Variants in TACR3 observed in about 807,000 individuals in gnomAD.
TACR3 encodes tachykinin receptor 3.
Under a neutral mutation model 35.0 loss-of-function variants are expected in TACR3, and 34 were observed. The ratio of observed to expected loss-of-function variants is 0.97; its 90% CI spans 0.74 to 1.30. TACR3 has a LOEUF of 1.30. Ranked by LOEUF, TACR3 falls within the 50% of genes most tolerant of loss-of-function variation. The pLI, the probability that TACR3 is intolerant of heterozygous loss-of-function variation, is 0.00. For missense variants in TACR3, 558 were observed against 591.7 expected (o/e 0.94, Z 0.59); for synonymous variants, 233 against 221.1 (o/e 1.05, Z -0.48).
intron 1 of TACR3, among the ~76,000 whole-genome samples, chr4:103,705,466 A>G (rs1392057136): frequency 1.3e-5 from 2 of 152,174 alleles, no homozygotes; most frequent in Admixed American, 1.3e-4. Flanking sequence ...AAAGGGGACT[A>G]AGAACATTCA....
At chr4:103,670,935 T>G (rs898983884) in intron 1 of TACR3, among the ~76,000 whole-genome samples, 2 of 152,224 alleles carry the variant, frequency 1.3e-5, no homozygotes, top group Admixed American at 1.3e-4. Flanking sequence ...TTCAGTATGA[T>G]ACTGTAGGTT....
chr4:103,607,297 T>C (rs1451213864), intron 3 of TACR3, among the ~76,000 whole-genome samples: 1 of 152,130 alleles, frequency 6.6e-6, no homozygotes, highest in South Asian at 2.1e-4. Context: ...AGCATAGTTT[T>C]TGAGTTTTGA....
chr4:103,707,885 C>A (rs1014334170), intron 1 of TACR3, among the ~76,000 whole-genome samples: 1 of 152,194 alleles, frequency 6.6e-6, no homozygotes, highest in Non-Finnish European at 1.5e-5. Context: ...GTCCCACACC[C>A]AAGGAGCCTT....
chr4:103,683,607 T>C (rs1197518368), intron 1 of TACR3, among the ~76,000 whole-genome samples: 3 of 149,566 alleles, frequency 2.0e-5, no homozygotes, highest in African/African-American at 4.9e-5. Context: ...ATAGATAAAA[T>C]AGACCAGTTT....
At chr4:103,660,627 A>AT (rs774081131) in intron 1 of TACR3, among the ~76,000 whole-genome samples, 2 of 152,018 alleles carry the variant, frequency 1.3e-5, no homozygotes, top group Non-Finnish European at 2.9e-5. Flanking sequence ...TGGCGATATC[A>AT]TGTTTTTCCA....
intron 3 of TACR3, among the ~76,000 whole-genome samples, chr4:103,618,574 T>C (rs1724708818): frequency 7.8e-6 from 1 of 127,422 alleles, no homozygotes; most frequent in Admixed American, 7.6e-5. Flanking sequence ...CTTTTTTTTT[T>C]TTTTTTTTTT....
At chr4:103,602,358 AT>A (rs1724227078) in intron 3 of TACR3, among the ~76,000 whole-genome samples, 1 of 151,648 alleles carries the variant, frequency 6.6e-6, no homozygotes, top group African/African-American at 2.4e-5. Flanking sequence ...GAGTAGTTTG[AT>A]TGTCTGAAGC....
chr4:103,713,263 G>T (rs2110232432), intron 1 of TACR3, among the ~76,000 whole-genome samples: 1 of 152,026 alleles, frequency 6.6e-6, no homozygotes, highest in East Asian at 1.9e-4. Flanking sequence ...AAGAAAATGT[G>T]GCACATATAC....
chr4:103,589,598 G>A lies in TACR3; in HGVS notation c.*84C>T. On this transcript the variant is annotated 3_prime_UTR_variant, in exon 5 of 5. Transcript: ENST00000304883. The stretch of plus-strand genomic sequence containing the variant: ...GCTTTCTGTTTCTAGAGGGTATATA[G>A]GACAGGACTGGTAAATAGGAGAATG... 6.6e-7 allele frequency: 1 copy of A among 1,525,922 alleles called. No homozygotes were observed. The highest frequency in any genetic ancestry group is 9.1e-7 in the Non-Finnish European group (1 of 1,104,764). 94.5% of individuals were successfully genotyped at this position (1,525,922 alleles called of 1,614,324 possible). A position where few individuals can be genotyped will look rare whatever the true frequency, so the allele number is the denominator to read the frequency against.
intron 1 of TACR3, among the ~76,000 whole-genome samples, chr4:103,658,804 G>A (rs1307049950): frequency 6.6e-6 from 1 of 152,110 alleles, no homozygotes; most frequent in East Asian, 1.9e-4. Flanking sequence ...GAGCGATGGT[G>A]TGGGGATGAT....
intron 3 of TACR3, among the ~76,000 whole-genome samples, chr4:103,601,850 G>T (rs1429119771): frequency 6.6e-6 from 1 of 152,136 alleles, no homozygotes; most frequent in Admixed American, 6.5e-5. Context: ...TGGTGAATCT[G>T]ACAATTATGT....
intron 3 of TACR3, among the ~76,000 whole-genome samples, chr4:103,633,404 T>TATTA (rs58520494): frequency 0.21 from 31,698 of 151,842 alleles, 3,762 homozygotes; most frequent in East Asian, 0.31. Flanking sequence ...CAATTTATTT[T>TATTA]ATTATTATTT....
At chr4:103,651,353 C>T (rs771920644) in intron 3 of TACR3, among the ~76,000 whole-genome samples, 2 of 151,662 alleles carry the variant, frequency 1.3e-5, no homozygotes, top group African/African-American at 2.4e-5. Flanking sequence ...GCAGAGGACA[C>T]TTCCTGTGGC....
intron 1 of TACR3, among the ~76,000 whole-genome samples, chr4:103,689,070 T>TA (rs375676054): frequency 2.0e-5 from 3 of 151,304 alleles, no homozygotes; most frequent in Admixed American, 6.6e-5. Context: ...TATGCAGCCA[T>TA]AAAAAAATGA....
rs201733763 is a variant in TACR3, at chr4:103,589,481, A to G, written c.*201T>C. ...TTTTCAAAGAATAAATTTAAAGCCC[A>G]TTTTATTTTGGGTGGAGGCTAACAT... is the stretch of plus-strand genomic sequence containing the variant. On this transcript the variant is annotated 3_prime_UTR_variant, in exon 5 of 5. Coordinates refer to ENST00000304883, the MANE Select transcript of TACR3 (RefSeq NM_001059.3). 5.2e-6 allele frequency: 3 copies of G among 574,972 alleles called. No individual in the cohort carries two copies. The East Asian group carries it at 8.7e-5, about 17-fold the overall frequency. 35.6% of individuals were successfully genotyped at this position (574,972 alleles called of 1,614,324 possible).
chr4:103,656,588 G>T (rs1463129012), intron 2 of TACR3, among the ~76,000 whole-genome samples: 1 of 152,004 alleles, frequency 6.6e-6, no homozygotes, highest in Non-Finnish European at 1.5e-5. Flanking sequence ...GGGTTGAAGG[G>T]CTCAGTTAAA....
intron 1 of TACR3, among the ~76,000 whole-genome samples, chr4:103,707,831 C>T (rs1722830652): frequency 6.6e-6 from 1 of 152,172 alleles, no homozygotes; most frequent in Non-Finnish European, 1.5e-5. Context: ...ATAGTCTTAG[C>T]AAACGGCACA....
At chr4:103,706,633 C>T (rs1722798448) in intron 1 of TACR3, among the ~76,000 whole-genome samples, 1 of 151,996 alleles carries the variant, frequency 6.6e-6, no homozygotes, top group Admixed American at 6.6e-5. Flanking sequence ...CTGGGGGGAG[C>T]ATTGCAATGT....
At chr4:103,712,004 G>C (rs948150886) in intron 1 of TACR3, among the ~76,000 whole-genome samples, 8 of 152,070 alleles carry the variant, frequency 5.3e-5, no homozygotes, top group East Asian at 3.9e-4. Context: ...AGGACACAAA[G>C]AAATGGAAGA....
Sources: allele counts gnomAD v4.1 joint callset (sites outside exome capture counted in the v4.1 genomes callset), GRCh38; gene constraint gnomAD v4.1.1; transcripts MANE v1.5; gene names NCBI Gene and HGNC (gene_info 2026-07-23, HGNC 2026-07-21).